SFSWAP: variants seen among roughly 807,000 people sequenced by gnomAD.
SFSWAP encodes the protein splicing factor, suppressor of white-apricot homolog.
Under a neutral mutation model 100.7 loss-of-function variants are expected in SFSWAP, and 17 were observed. That is an observed-to-expected ratio of 0.17 (90% CI 0.12 to 0.25). The LOEUF is 0.25. Among genes scored for constraint, SFSWAP ranks in the 10% least tolerant of loss-of-function variants. The pLI is 1.00. For synonymous variants in SFSWAP, 504 were observed against 510.1 expected, an observed-to-expected ratio of 0.99 and a Z score of 0.16; for missense variants, 1,005 against 1,262.6, an observed-to-expected ratio of 0.80 and a Z score of 3.09.
chr12:131,796,857 T>G (rs554757410), intron 15 of SFSWAP: 2 of 245,558 alleles, frequency 8.1e-6, no homozygotes, highest in East Asian at 8.1e-5. Flanking sequence ...TTGGAAATTT[T>G]TATTGATGAA....
At chr12:131,749,408 A>G (rs1314141976) in intron 7 of SFSWAP, among the ~76,000 whole-genome samples, 1 of 152,240 alleles carries the variant, frequency 6.6e-6, no homozygotes, top group Non-Finnish European at 1.5e-5. Flanking sequence ...CCCAGACTTC[A>G]GTTTGTAGAC....
intron 1 of SFSWAP, chr12:131,713,480 GTCTC>G (rs1429166870): frequency 6.6e-6 from 1 of 152,256 alleles, no homozygotes; most frequent in Non-Finnish European, 1.5e-5. Context: ...ATGTATGTGT[GTCTC>G]TCTATCACGT....
chr12:131,780,002 T>G (rs1321156602), intron 14 of SFSWAP, among the ~76,000 whole-genome samples: 2 of 152,138 alleles, frequency 1.3e-5, no homozygotes, highest in Non-Finnish European at 2.9e-5. Flanking sequence ...GCCAGGCTGG[T>G]CTCGAACTCC....
In SFSWAP at chr12:131,747,515, A is replaced by T. The variant is rs563514441; in HGVS notation, c.1082-5608A>T. Among the ~76,000 whole-genome samples the T allele has an allele frequency of 4.0e-3, 607 of 152,250 alleles. 3 individuals carry two copies. The highest frequency in any genetic ancestry group is 0.014 in the Middle Eastern group (4 of 294). ...CTTCCCAGACAAGGGACTTAGCTTG[A>T]CCCTGGTTGAGAGAGGTCGCCATGG... On this transcript the variant is annotated intron_variant, in intron 7 of 17. Coordinates refer to ENST00000261674, the MANE Select transcript of SFSWAP (RefSeq NM_004592.4).
At chr12:131,782,963 C>T (rs1359437482) in intron 14 of SFSWAP, among the ~76,000 whole-genome samples, 1 of 152,086 alleles carries the variant, frequency 6.6e-6, no homozygotes, top group Non-Finnish European at 1.5e-5. Flanking sequence ...GGTGGATCAC[C>T]TGAGGTCAGG....
intron 15 of SFSWAP, among the ~76,000 whole-genome samples, chr12:131,790,363 A>G (rs936072416): frequency 6.6e-6 from 1 of 152,202 alleles, no homozygotes; most frequent in African/African-American, 2.4e-5. Context: ...GGAATCTACC[A>G]TTTCTTCAAG....
At chr12:131,788,224 G>A (rs1004876202) in intron 15 of SFSWAP, among the ~76,000 whole-genome samples, 5 of 152,216 alleles carry the variant, frequency 3.3e-5, no homozygotes, top group Admixed American at 6.5e-5. Flanking sequence ...GCGTCCTGAT[G>A]GCCAGCCAGC....
At chr12:131,783,326 G>A (rs1884636266) in intron 14 of SFSWAP, 1 of 152,034 alleles carries the variant, frequency 6.6e-6, no homozygotes, top group African/African-American at 2.4e-5. Flanking sequence ...ATTTTAATAA[G>A]TATCAGCTTG....
At chr12:131,766,334 C>CT (rs1883115800) in intron 13 of SFSWAP, 26 bp downstream of exon 13, 2 of 1,600,934 alleles carry the variant, frequency 1.2e-6, no homozygotes, top group African/African-American at 2.7e-5. Context: ...ACATTGGTAT[C>CT]TGCGGGGCTG....
rs1001117361 is a variant in SFSWAP at position 131,768,496 on chromosome 12, C to T, written c.2142+2188C>T. Among the ~76,000 whole-genome samples, 32 of 152,250 alleles carry T rather than the reference C, an allele frequency of 2.1e-4. No homozygotes were observed. In the Middle Eastern group the frequency reaches 0.024, roughly 113 times the overall value. ...AAATCCTCTCACATCTGGCAGGAGG[C>T]CTCAGAAATAATAACTGACGGGCAA... On this transcript the variant is annotated intron_variant, in intron 13 of 17. Transcript: ENST00000261674.
chr12:131,756,093 C>T (rs1882135798), intron 10 of SFSWAP, among the ~76,000 whole-genome samples: 1 of 152,246 alleles, frequency 6.6e-6, no homozygotes, highest in Non-Finnish European at 1.5e-5. Context: ...CAGGAGATTT[C>T]TTCAGACCCT....
intron 9 of SFSWAP, 48 bp from the exon 10 acceptor site, chr12:131,755,338 G>A (rs751473867): frequency 8.9e-6 from 12 of 1,345,252 alleles, no homozygotes; most frequent in Non-Finnish European, 1.2e-5. Flanking sequence ...TGTTACTTCA[G>A]TGAGCTTGTC....
rs114243472 is a variant in SFSWAP at position 131,798,449 on chromosome 12, C to T, written c.2718-588C>T. Among the ~76,000 whole-genome samples the T allele has an allele frequency of 3.1e-3, 472 of 152,272 alleles. 5 individuals are homozygous for T. Among genetic ancestry groups the T allele is most frequent in the African/African-American group, 0.011 (446 of 41,568 alleles). On this transcript the variant is annotated intron_variant, in intron 16 of 17. Transcript: ENST00000261674. ...GGCCGTGGTTCTGGGAAGGCTCCAC[C>T]GTTCTGCTGAGTCTTTCCTTTCTTT... is the stretch of plus-strand genomic sequence containing the variant.
At chr12:131,719,364 C>T in intron 3 of SFSWAP, 90 bp from the exon 4 acceptor site, 1 of 872,278 alleles carries the variant, frequency 1.1e-6, no homozygotes, top group Non-Finnish European at 1.9e-6. Flanking sequence ...GCAGGGACAG[C>T]CAGTCACATG....
chr12:131,764,434 A>C, intron 11 of SFSWAP, 22 bp from the exon 12 acceptor site: 2 of 1,594,248 alleles, frequency 1.3e-6, no homozygotes, highest in Non-Finnish European at 1.7e-6. Flanking sequence ...CATGTATCAT[A>C]ATTCTCACCT....
At position 131,777,029 on chromosome 12, in the gene SFSWAP, C is replaced by G. The variant is rs565202249; in HGVS notation, c.2143-1036C>G. Among the ~76,000 whole-genome samples the G allele has an allele frequency of 2.6e-5, 4 of 152,326 alleles. No homozygotes were observed. In the South Asian group the frequency reaches 8.3e-4, roughly 32 times the overall value. ...AACATCAAAGGGGAGCCTAGACCTTCTTTAAAAATTATTGTCAGAGTAGTG... is the reference window on the plus strand; with the variant it reads ...AACATCAAAGGGGAGCCTAGACCTTGTTTAAAAATTATTGTCAGAGTAGTG... On this transcript the variant is annotated intron_variant, in intron 13 of 17. Transcript: ENST00000261674.
At chr12:131,764,194 G>A (rs1209853334) in intron 11 of SFSWAP, among the ~76,000 whole-genome samples, 1 of 152,224 alleles carries the variant, frequency 6.6e-6, no homozygotes, top group Non-Finnish European at 1.5e-5. Context: ...CCTGGCATCA[G>A]CGAGTGTGCC....
chr12:131,743,866 G>A (rs1479489844), intron 7 of SFSWAP, among the ~76,000 whole-genome samples: 1 of 152,240 alleles, frequency 6.6e-6, no homozygotes, highest in East Asian at 1.9e-4. Flanking sequence ...TCTAGATGGA[G>A]GTTCCCAAAC....
At chr12:131,759,823 G>T (rs1378983436) in intron 11 of SFSWAP, among the ~76,000 whole-genome samples, 1 of 151,374 alleles carries the variant, frequency 6.6e-6, no homozygotes, top group Non-Finnish European at 1.5e-5. Context: ...AAAGAAAAAA[G>T]AAAATAGTAA....
Sources: allele counts gnomAD v4.1 joint callset (sites outside exome capture counted in the v4.1 genomes callset), GRCh38; gene constraint gnomAD v4.1.1; transcripts MANE v1.5; gene names NCBI Gene and HGNC (gene_info 2026-07-23, HGNC 2026-07-21).